TENM2: variants seen among roughly 807,000 people sequenced by gnomAD.
TENM2 encodes the protein teneurin-2.
TENM2 carries 52 observed loss-of-function variants against 245.2 expected under a neutral mutation model. The ratio of observed to expected loss-of-function variants is 0.21; its 90% CI spans 0.17 to 0.27. TENM2 has a LOEUF of 0.27. Ranked by LOEUF, TENM2 falls within the 10% of genes least tolerant of loss-of-function variation. The pLI, the probability that TENM2 is intolerant of heterozygous loss-of-function variation, is 1.00. For missense variants in TENM2, 3,046 were observed against 3,666.8 expected (o/e 0.83, Z 4.37); for synonymous variants, 1,363 against 1,438.9 (o/e 0.95, Z 1.19).
intron 2 of TENM2, among the ~76,000 whole-genome samples, chr5:167,816,105 A>G (rs889396069): frequency 2.6e-5 from 4 of 151,942 alleles, no homozygotes; most frequent in African/African-American, 9.7e-5. Context: ...CCTTACCTTC[A>G]CTGGTGACTC....
At chr5:167,648,720 G>A (rs1283860093) in intron 2 of TENM2, among the ~76,000 whole-genome samples, 2 of 152,200 alleles carry the variant, frequency 1.3e-5, no homozygotes, top group South Asian at 2.1e-4. Context: ...TTCACCACAG[G>A]CTTTGATCTC....
intron 2 of TENM2, among the ~76,000 whole-genome samples, chr5:167,460,739 A>G (rs1041631546): frequency 6.6e-6 from 1 of 152,156 alleles, no homozygotes; most frequent in African/African-American, 2.4e-5. Context: ...TCCCTAAACC[A>G]CTGAAAAATG....
At position 168,203,678 on chromosome 5, in the gene TENM2, T is replaced by C; in HGVS notation, c.3431-11T>C. On this transcript the variant is annotated splice_polypyrimidine_tract_variant and intron_variant, in intron 17 of 28. Coordinates refer to ENST00000518659, the Ensembl canonical transcript of TENM2. ...TTTCTCTCACTCTGCCCCACCCCTT[T>C]TATCTTTCAGTGTCTGTCGGGTTTG... 1 of 1,591,318 alleles carries C rather than the reference T, an allele frequency of 6.3e-7. No individual in the cohort carries two copies. Among genetic ancestry groups the C allele is most frequent in the Non-Finnish European group, 8.6e-7 (1 of 1,163,648 alleles).
the TENM2 span, among the ~76,000 whole-genome samples, chr5:167,142,112 C>T: frequency 4.6e-5 from 7 of 152,136 alleles, no homozygotes; most frequent in South Asian, 2.1e-4. Context: ...TATTAAAAAA[C>T]GGAAAAAGCT....
chr5:167,764,680 A>T (rs1237432058), intron 2 of TENM2, among the ~76,000 whole-genome samples: 1 of 151,682 alleles, frequency 6.6e-6, no homozygotes, highest in African/African-American at 2.4e-5. Flanking sequence ...GTGAGGATTG[A>T]CTCTTTACTG....
chr5:168,049,991 C>T (rs1044559727), intron 6 of TENM2, among the ~76,000 whole-genome samples: 38 of 152,130 alleles, frequency 2.5e-4, no homozygotes, highest in Non-Finnish European at 4.3e-4. Context: ...TTAGTGGAGA[C>T]GGAGTTTCAC....
chr5:167,569,077 G>GTTT (rs1774102718), intron 2 of TENM2, among the ~76,000 whole-genome samples: 3 of 87,350 alleles, frequency 3.4e-5, no homozygotes, highest in African/African-American at 1.0e-4. Flanking sequence ...CCTTCCTACA[G>GTTT]CTTTTTTTTT....
chr5:167,141,518 G>A, the TENM2 span, among the ~76,000 whole-genome samples: 2 of 152,080 alleles, frequency 1.3e-5, no homozygotes, highest in Admixed American at 6.6e-5. Context: ...AACAGGTTGT[G>A]TATAATATAT....
At chr5:167,690,127 T>TA (rs1757329680) in intron 2 of TENM2, among the ~76,000 whole-genome samples, 1 of 138,530 alleles carries the variant, frequency 7.2e-6, no homozygotes, top group Non-Finnish European at 1.5e-5. Context: ...TTTTTTTTTT[T>TA]AGTAATTCAA....
At chr5:168,096,088 G>A (rs986505804) in intron 8 of TENM2, among the ~76,000 whole-genome samples, 1 of 152,154 alleles carries the variant, frequency 6.6e-6, no homozygotes, top group Non-Finnish European at 1.5e-5. Context: ...TTACTATACT[G>A]GGTAATAAGT....
At chr5:167,243,502 A>C in the TENM2 span, among the ~76,000 whole-genome samples, 1 of 152,058 alleles carries the variant, frequency 6.6e-6, no homozygotes, top group African/African-American at 2.4e-5. Context: ...CTTGGAGATG[A>C]GCTCAAAGAA....
chr5:167,413,089 G>C (rs899973577), intron 2 of TENM2, among the ~76,000 whole-genome samples: 2 of 151,782 alleles, frequency 1.3e-5, no homozygotes, highest in East Asian at 3.9e-4. Flanking sequence ...GTCTAATTTC[G>C]CACTATTTTT....
At position 168,185,915 on chromosome 5, in the gene TENM2, CATAT is replaced by C. The variant is rs200942772; in HGVS notation, c.2570-4375_2570-4372del. On this transcript the variant is annotated intron_variant, in intron 13 of 28. Coordinates refer to ENST00000518659, the Ensembl canonical transcript of TENM2. Reference sequence around the variant, plus strand: ...GGACATATACTATATACCAGACTGACATATATATATATATATATATATATATATA... The same window carrying C: ...GGACATATACTATATACCAGACTGACATATATATATATATATATATATATA... Among the ~76,000 whole-genome samples, 137 of 73,704 alleles carry C rather than the reference CATAT, an allele frequency of 1.9e-3. 1 individual carries two copies. Among genetic ancestry groups the C allele is most frequent in the South Asian group, 3.5e-3 (6 of 1,720 alleles). The allele number at this position is 73,704 out of a possible 152,430, so 48.4% of individuals were successfully genotyped here. A position where few individuals can be genotyped will look rare whatever the true frequency, so the allele number is the denominator to read the frequency against.
At chr5:167,968,635 G>A (rs1332825605) in intron 4 of TENM2, among the ~76,000 whole-genome samples, 1 of 152,098 alleles carries the variant, frequency 6.6e-6, no homozygotes, top group African/African-American at 2.4e-5. Flanking sequence ...GCCCTAAAGG[G>A]AAGGTGGGAA....
chr5:167,859,492 G>A (rs1439252291), intron 2 of TENM2, among the ~76,000 whole-genome samples: 7 of 109,620 alleles, frequency 6.4e-5, no homozygotes, highest in Non-Finnish European at 9.4e-5. Context: ...CAGCCACCCC[G>A]TCCGGGAGGG....
At chr5:167,548,540 A>G (rs1171553054) in intron 2 of TENM2, among the ~76,000 whole-genome samples, 1 of 111,892 alleles carries the variant, frequency 8.9e-6, no homozygotes, top group South Asian at 3.3e-4. Flanking sequence ...AGTATTTATT[A>G]CAGGTCACAG....
intron 2 of TENM2, among the ~76,000 whole-genome samples, chr5:167,619,665 T>C (rs1318778370): frequency 6.6e-6 from 1 of 152,172 alleles, no homozygotes; most frequent in African/African-American, 2.4e-5. Flanking sequence ...TTAGACCTAG[T>C]AAAAGCACTG....
intron 5 of TENM2, among the ~76,000 whole-genome samples, chr5:168,013,398 G>A (rs575358395): frequency 2.6e-5 from 4 of 152,248 alleles, no homozygotes; most frequent in South Asian, 2.1e-4. Context: ...GAGGTCAGGA[G>A]TTCAAGACCA....
chr5:167,716,850 A>G (rs894032801), intron 2 of TENM2, among the ~76,000 whole-genome samples: 2 of 151,596 alleles, frequency 1.3e-5, no homozygotes, highest in African/African-American at 4.8e-5. Flanking sequence ...AAATTTACAT[A>G]AAGCCATCTT....
Sources: allele counts gnomAD v4.1 joint callset (sites outside exome capture counted in the v4.1 genomes callset), GRCh38; gene constraint gnomAD v4.1.1; transcripts MANE v1.5; gene names NCBI Gene and HGNC (gene_info 2026-07-23, HGNC 2026-07-21).